Variants in DPM1 observed in about 807,000 individuals in gnomAD.
DPM1 encodes the protein dolichyl-phosphate mannosyltransferase subunit 1, catalytic.
Under a neutral mutation model 39.0 loss-of-function variants are expected in DPM1, and 27 were observed. The observed-to-expected ratio is 0.69, with a 90% CI of 0.51 to 0.95. DPM1 has a LOEUF of 0.95. DPM1 is among the 40% of genes least tolerant of loss of function. The pLI is 0.00. For missense variants in DPM1, 307 were observed against 315.6 expected, an observed-to-expected ratio of 0.97 and a Z score of 0.21; for synonymous variants, 124 against 109.0, an observed-to-expected ratio of 1.14 and a Z score of -0.86.
intron 5 of DPM1, among the ~76,000 whole-genome samples, 183 bp downstream of exon 5, chr20:50,945,554 G>A (rs1986231852): frequency 6.6e-6 from 1 of 152,018 alleles, no homozygotes; most frequent in Non-Finnish European, 1.5e-5. Flanking sequence ...TTGTTGCCCA[G>A]GCTGGTCTCA....
chr20:50,935,230 T>C lies in DPM1; in HGVS notation c.685A>G (p.Ile229Val), dbSNP rs559946698. 122 of 1,585,922 alleles carry C rather than the reference T, an allele frequency of 7.7e-5. No homozygotes were observed. The Admixed American group carries it at 1.1e-3, about 14-fold the overall frequency. ...CCATAAACACGATCCACAAATGATA[T>C]TGGAACCTAGTTTAAAAAAAAAAAA... ...QLNYTIGEVP[I>V]SFVDRVYGES... The change falls in exon 9 of 9, where the codon ATA (isoleucine) becomes GTA (valine). Residue 229 changes from isoleucine (I) to valine (V), a missense_variant. By Grantham distance (29) the Ile-to-Val change is conservative (BLOSUM62 3). Transcript: ENST00000371588.
Position 50,940,871 on chromosome 20 carries a change from C to T in DPM1, c.557G>A (p.Ser186Asn), listed in dbSNP as rs754305982. Reference sequence around the variant, plus strand: ...GTGGAAATTTTCACTGTACCTGAAACTTCCTGTTAAATCAGATGCTCCTGG... The same window carrying T: ...GTGGAAATTTTCACTGTACCTGAAATTTCCTGTTAAATCAGATGCTCCTGG... ...LRPGASDLTG[S>N]FRLYRKEVLE... The change falls in exon 7 of 9, where the codon AGT (serine) becomes AAT (asparagine). Residue 186 changes from serine to asparagine, a missense_variant. Coordinates refer to ENST00000371588, the MANE Select transcript of DPM1 (RefSeq NM_003859.3). 1 of 1,613,728 alleles carries T rather than the reference C, an allele frequency of 6.2e-7. No individual in the cohort carries two copies. The highest frequency in any genetic ancestry group is 8.5e-7 in the Non-Finnish European group (1 of 1,179,720).
intron 7 of DPM1, among the ~76,000 whole-genome samples, chr20:50,937,836 ATTT>A (rs1449146422): frequency 6.6e-6 from 1 of 151,810 alleles, no homozygotes; most frequent in Non-Finnish European, 1.5e-5. Context: ...TATTATTATT[ATTT>A]TTATTTTTTT....
At chr20:50,946,248 C>T (rs955548655) in intron 3 of DPM1, among the ~76,000 whole-genome samples, 1 of 152,188 alleles carries the variant, frequency 6.6e-6, no homozygotes, top group Non-Finnish European at 1.5e-5. Context: ...GCTTTAAAAA[C>T]CCATCTGGTG....
chr20:50,951,137 C>A (rs941922574), intron 2 of DPM1, among the ~76,000 whole-genome samples: 1 of 152,150 alleles, frequency 6.6e-6, no homozygotes, highest in Admixed American at 6.5e-5. Context: ...TGGTCTAACT[C>A]AAAAAATCTT....
intron 1 of DPM1, among the ~76,000 whole-genome samples, chr20:50,957,980 G>A (rs1986921311): frequency 6.6e-6 from 1 of 152,216 alleles, no homozygotes; most frequent in African/African-American, 2.4e-5. Flanking sequence ...CACCGGAGCG[G>A]AGAGTGAGAG....
chr20:50,951,106 G>C (rs983447712), intron 2 of DPM1, among the ~76,000 whole-genome samples: 1 of 152,152 alleles, frequency 6.6e-6, no homozygotes, highest in Admixed American at 6.5e-5. Context: ...ACAATATATT[G>C]TAATAAAAGT....
At position 50,958,513 on chromosome 20, in the gene DPM1, AAGG is replaced by A; in HGVS notation, c.8_10del (p.Ser3del). 6.2e-7 allele frequency: 1 copy of A among 1,613,490 alleles called. No homozygotes were observed. The highest frequency in any genetic ancestry group is 8.5e-7 in the Non-Finnish European group (1 of 1,179,936). On this transcript the variant is annotated inframe_deletion, in exon 1 of 9. Coordinates refer to ENST00000371588, the MANE Select transcript of DPM1 (RefSeq NM_003859.3). ...CCTGCGAGGACTACGACTGACTTCC[AAGG>A]AGGCCATGGCGGAACTGAGCCAGAT...
intron 5 of DPM1, 138 bp downstream of exon 5, chr20:50,945,599 T>TTCCCAAAC (rs1568767626): frequency 2.3e-6 from 2 of 880,938 alleles, no homozygotes; most frequent in Non-Finnish European, 3.5e-6. Flanking sequence ...CTACCCTGAC[T>TTCCCAAAC]TCCCAAACTT....
chr20:50,956,364 G>A (rs564515641), intron 1 of DPM1, among the ~76,000 whole-genome samples: 5 of 152,142 alleles, frequency 3.3e-5, no homozygotes, highest in African/African-American at 1.2e-4. Flanking sequence ...AGCACTTTGG[G>A]AGGCCGAGGC....
chr20:50,956,906 T>C (rs941435290), intron 1 of DPM1, among the ~76,000 whole-genome samples: 1 of 152,198 alleles, frequency 6.6e-6, no homozygotes, highest in Non-Finnish European at 1.5e-5. Flanking sequence ...AGTAATTTGA[T>C]TGCATCTGAA....
At position 50,955,177 on chromosome 20, in the gene DPM1, A is replaced by T. The variant is rs776745957; in HGVS notation, c.261+9T>A. 1 of 1,597,426 alleles carries T rather than the reference A, an allele frequency of 6.3e-7. No individual in the cohort carries two copies. Among genetic ancestry groups the T allele is most frequent in the South Asian group, 1.1e-5 (1 of 90,750 alleles). ...ATTCATATCACAGAAAAATGTTCTT[A>T]TAACTTACAATTCTGTCTGACCCAT... On this transcript the variant is annotated intron_variant, in intron 2 of 8. Coordinates refer to ENST00000371588, the MANE Select transcript of DPM1 (RefSeq NM_003859.3).
intron 2 of DPM1, among the ~76,000 whole-genome samples, chr20:50,952,052 G>A (rs896093037): frequency 1.3e-5 from 2 of 152,028 alleles, no homozygotes; most frequent in Non-Finnish European, 2.9e-5. Flanking sequence ...ATGAACCCTG[G>A]AACCACAATG....
chr20:50,935,826 T>G, intron 8 of DPM1, among the ~76,000 whole-genome samples: 1 of 152,174 alleles, frequency 6.6e-6, no homozygotes. Context: ...TTTTAAAGTA[T>G]GGTGGCCATT....
At chr20:50,946,396 T>C (rs1168747902) in intron 3 of DPM1, among the ~76,000 whole-genome samples, 1 of 152,210 alleles carries the variant, frequency 6.6e-6, no homozygotes, top group Non-Finnish European at 1.5e-5. Flanking sequence ...ACCTCTCTCT[T>C]ACAGGCCACC....
intron 6 of DPM1, among the ~76,000 whole-genome samples, chr20:50,941,420 T>TTA (rs1177327068): frequency 1.4e-5 from 2 of 146,694 alleles, no homozygotes; most frequent in Non-Finnish European, 3.0e-5. Context: ...TATATTCATA[T>TTA]TATATATATT....
chr20:50,935,008 A>T lies in DPM1; in HGVS notation c.*124T>A. On this transcript the variant is annotated 3_prime_UTR_variant, in exon 9 of 9. Transcript: ENST00000371588. ...TATAAAATAGGTGGTCTTCATAAAAAGATGCATGAAATTTACCTTACCTTA... is the reference window on the plus strand; with the variant it reads ...TATAAAATAGGTGGTCTTCATAAAATGATGCATGAAATTTACCTTACCTTA... 6.4e-6 allele frequency: 4 copies of T among 620,226 alleles called. No individual in the cohort carries two copies. The highest frequency in any genetic ancestry group is 1.2e-5 in the Non-Finnish European group (4 of 346,096). The allele number at this position is 620,226 out of a possible 1,614,324, so 38.4% of individuals were successfully genotyped here.
intron 2 of DPM1, among the ~76,000 whole-genome samples, chr20:50,950,251 T>C (rs1986507311): frequency 6.6e-6 from 1 of 152,204 alleles, no homozygotes; most frequent in African/African-American, 2.4e-5. Flanking sequence ...TTTACTCCAC[T>C]ATCCCCACAT....
In DPM1 at chr20:50,948,710, T is replaced by G; in HGVS notation, c.262-48A>C. The G allele has an allele frequency of 3.2e-6, 5 of 1,546,724 alleles. No individual in the cohort carries two copies. In the South Asian group the frequency reaches 5.6e-5, roughly 17 times the overall value. On this transcript the variant is annotated intron_variant, in intron 2 of 8. Coordinates refer to ENST00000371588, the MANE Select transcript of DPM1 (RefSeq NM_003859.3). ...TTTACACACAGAAACAGAAATCTTA[T>G]CATGTTAAATTTTATCTTATTCAAA...
Sources: allele counts gnomAD v4.1 joint callset (sites outside exome capture counted in the v4.1 genomes callset), GRCh38; gene constraint gnomAD v4.1.1; transcripts MANE v1.5; gene names NCBI Gene and HGNC (gene_info 2026-07-23, HGNC 2026-07-21).